CFAP91: variants seen among roughly 807,000 people sequenced by gnomAD.
The protein encoded by CFAP91 is cilia- and flagella-associated protein 91.
Under a neutral mutation model 95.9 loss-of-function variants are expected in CFAP91, and 85 were observed. The ratio of observed to expected loss-of-function variants is 0.89; its 90% CI spans 0.74 to 1.06. The LOEUF is 1.06. CFAP91 is among the 50% of genes least tolerant of loss of function. The pLI, the probability that CFAP91 is intolerant of heterozygous loss-of-function variation, is 0.00. For synonymous variants in CFAP91, 335 were observed against 327.5 expected, an observed-to-expected ratio of 1.02 and a Z score of -0.25; for missense variants, 962 against 943.4, an observed-to-expected ratio of 1.02 and a Z score of -0.26.
At chr3:119,725,817 A>G (rs1410815325) in intron 6 of CFAP91, among the ~76,000 whole-genome samples, 1 of 152,162 alleles carries the variant, frequency 6.6e-6, no homozygotes. Flanking sequence ...TCCTTACCCC[A>G]TATTTTTCCC....
chr3:119,756,249 C>A (rs2054424930), intron 17 of CFAP91, among the ~76,000 whole-genome samples: 2 of 152,216 alleles, frequency 1.3e-5, no homozygotes, highest in South Asian at 4.1e-4. Flanking sequence ...TGACAGTTGA[C>A]TTCTCATCAG....
At chr3:119,745,687 T>C (rs1223141540) in intron 14 of CFAP91, among the ~76,000 whole-genome samples, 2 of 152,248 alleles carry the variant, frequency 1.3e-5, no homozygotes, top group Admixed American at 1.3e-4. Context: ...TATGAGAGCA[T>C]GAATATTGTA....
At chr3:119,727,476 C>G (rs2053804706) in intron 7 of CFAP91, among the ~76,000 whole-genome samples, 1 of 152,164 alleles carries the variant, frequency 6.6e-6, no homozygotes. Context: ...TCTGAGAAAG[C>G]AAGTACATTT....
chr3:119,727,379 A>T (rs2053802459), intron 7 of CFAP91, among the ~76,000 whole-genome samples: 1 of 152,234 alleles, frequency 6.6e-6, no homozygotes, highest in Admixed American at 6.5e-5. Context: ...AGAAATTTAA[A>T]TTTATTATTG....
chr3:119,755,321 C>A (rs1166771811), intron 17 of CFAP91, among the ~76,000 whole-genome samples: 1 of 152,066 alleles, frequency 6.6e-6, no homozygotes, highest in Non-Finnish European at 1.5e-5. Flanking sequence ...CTTGAAAATG[C>A]GTATGTTGAA....
In CFAP91 at chr3:119,744,052, G is replaced by T. The variant is rs370570459; in HGVS notation, c.1758G>T (p.Glu586Asp). The T allele has an allele frequency of 6.2e-7, 1 of 1,614,214 alleles. No individual in the cohort carries two copies. Among genetic ancestry groups the T allele is most frequent in the Non-Finnish European group, 8.5e-7 (1 of 1,180,014 alleles). The change falls in exon 14 of 18, where the codon GAG becomes GAT. Residue 586 changes from glutamate to aspartate, a missense_variant. By Grantham distance (45) the Glu-to-Asp change is conservative. Coordinates refer to ENST00000273390, the MANE Select transcript of CFAP91 (RefSeq NM_033364.4). ...ACATGTTTGACTTCCTGTCCAAAGA[G>T]CTGGTGAGACTGCAGGAGGAGAGGA... ...LADMFDFLSK[E>D]LVRLQEERRI...
intron 17 of CFAP91, among the ~76,000 whole-genome samples, chr3:119,754,719 G>A (rs554677949): frequency 6.6e-6 from 1 of 152,344 alleles, no homozygotes; most frequent in African/African-American, 2.4e-5. Flanking sequence ...CTTTCACCAT[G>A]AGCTTTGGAA....
intron 17 of CFAP91, among the ~76,000 whole-genome samples, chr3:119,756,105 A>G (rs2054422333): frequency 6.6e-6 from 1 of 152,180 alleles, no homozygotes; most frequent in Non-Finnish European, 1.5e-5. Flanking sequence ...CCTAAGCAGA[A>G]TAAATAAAAA....
At position 119,710,229 on chromosome 3, in the gene CFAP91, A is replaced by G. The variant is rs552860168; in HGVS notation, c.500+334A>G. The G allele has an allele frequency of 3.1e-5, 6 of 191,516 alleles. No individual in the cohort carries two copies. In the South Asian group the frequency reaches 6.3e-4, roughly 20 times the overall value. 11.9% of individuals were successfully genotyped at this position (191,516 alleles called of 1,614,324 possible). ...GTTGTCCATTTGTGCTGCTATAACA[A>G]ATTAACAGATTGGGTGATATAAATA... On this transcript the variant is annotated intron_variant, in intron 5 of 17. Transcript: ENST00000273390.
At position 119,747,203 on chromosome 3, in the gene CFAP91, G is replaced by A; in HGVS notation, c.1991G>A (p.Arg664Lys). ...TEANTAEEQA[R>K]AEIEKMAEKI... is the part of the protein sequence containing the mutation. ...GCGAATACTGCAGAAGAACAAGCCA[G>A]GGCAGAAATAGAGAAGATGGCTGAG... Residue 664 changes from arginine to lysine, a missense_variant, in exon 15 of 18, where the codon AGG becomes AAG. Coordinates refer to ENST00000273390, the MANE Select transcript of CFAP91 (RefSeq NM_033364.4). 6.2e-7 allele frequency: 1 copy of A among 1,613,830 alleles called. No homozygotes were observed. Among genetic ancestry groups the A allele is most frequent in the Non-Finnish European group, 8.5e-7 (1 of 1,179,804 alleles).
intron 17 of CFAP91, among the ~76,000 whole-genome samples, chr3:119,758,013 T>C (rs2054465029): frequency 6.6e-6 from 1 of 152,334 alleles, no homozygotes; most frequent in Non-Finnish European, 1.5e-5. Context: ...TTCTATAATT[T>C]TTTGTTTTTT....
chr3:119,716,207 C>A (rs1301125054), intron 6 of CFAP91, among the ~76,000 whole-genome samples: 1 of 152,240 alleles, frequency 6.6e-6, no homozygotes, highest in East Asian at 1.9e-4. Flanking sequence ...TTGACATTAT[C>A]TCTGAAATGC....
intron 2 of CFAP91, 95 bp downstream of exon 2, chr3:119,706,980 A>G: frequency 3.1e-6 from 3 of 965,536 alleles, no homozygotes; most frequent in Non-Finnish European, 4.9e-6. Context: ...CCAAATCTTC[A>G]CTGGATTTTA....
chr3:119,709,017 A>G (rs2053427247), intron 4 of CFAP91, among the ~76,000 whole-genome samples: 1 of 152,272 alleles, frequency 6.6e-6, no homozygotes, highest in African/African-American at 2.4e-5. Context: ...AAATGAAGTC[A>G]TCAAATGAAC....
chr3:119,751,339 T>A (rs1490243362), intron 17 of CFAP91, among the ~76,000 whole-genome samples: 2 of 152,244 alleles, frequency 1.3e-5, no homozygotes, highest in Non-Finnish European at 1.5e-5. Context: ...CTCTAAATTA[T>A]TTTTATGGGT....
chr3:119,731,646 C>T (rs1405567078), intron 8 of CFAP91, among the ~76,000 whole-genome samples: 1 of 152,194 alleles, frequency 6.6e-6, no homozygotes, highest in African/African-American at 2.4e-5. Flanking sequence ...TGCAGCATGA[C>T]GTCACGATCT....
chr3:119,751,727 A>G (rs2054327783), intron 17 of CFAP91, among the ~76,000 whole-genome samples: 1 of 152,204 alleles, frequency 6.6e-6, no homozygotes, highest in Non-Finnish European at 1.5e-5. Flanking sequence ...TCCTTAGTTT[A>G]CGGAGTGCAG....
chr3:119,754,998 C>A (rs943222489), intron 17 of CFAP91, among the ~76,000 whole-genome samples: 1 of 152,108 alleles, frequency 6.6e-6, no homozygotes, highest in Admixed American at 6.5e-5. Flanking sequence ...CCATTTTTTT[C>A]TTCTGATTTT....
chr3:119,739,439 C>G, intron 12 of CFAP91, 113 bp downstream of exon 12: 1 of 910,446 alleles, frequency 1.1e-6, no homozygotes, highest in East Asian at 2.5e-5. Context: ...CTATCCTATT[C>G]AGCTAAACTC....
Sources: gnomAD v4.1 joint callset for allele counts (sites outside exome capture counted in the v4.1 genomes callset) on GRCh38, gnomAD v4.1.1 for gene constraint, MANE v1.5 for transcripts, NCBI Gene and HGNC (gene_info 2026-07-23, HGNC 2026-07-21) for gene names.